The following AKAP10 variants were observed in gnomAD, a reference collection of about 807,000 sequenced individuals.
AKAP10 encodes the protein A-kinase anchor protein 10, mitochondrial.
AKAP10 carries 24 observed loss-of-function variants against 80.8 expected under a neutral mutation model. The ratio of observed to expected loss-of-function variants is 0.30; its 90% confidence interval spans 0.22 to 0.42. The LOEUF (loss-of-function observed/expected upper bound fraction) is 0.42, where lower values mean the gene tolerates loss of function less well. Among genes scored for constraint, AKAP10 ranks in the 10% least tolerant of loss-of-function variants. The probability of loss-of-function intolerance (pLI) is 1.00; values close to 1 mark genes in which losing one functional copy is unlikely to be tolerated. For missense variants in AKAP10, 661 were observed against 794.9 expected (o/e 0.83, Z 2.03); for synonymous variants, 291 against 277.7 (o/e 1.05, Z -0.48).
chr17:19,930,361 T>C (rs1455025222), intron 10 of AKAP10, among the ~76,000 whole-genome samples: 2 of 152,190 alleles, frequency 1.3e-5, no homozygotes, highest in Non-Finnish European at 2.9e-5. Flanking sequence ...CTTAGGATAT[T>C]CTACTTTGTG....
chr17:19,926,673 T>C (rs1397593691), intron 10 of AKAP10, among the ~76,000 whole-genome samples: 1 of 152,188 alleles, frequency 6.6e-6, no homozygotes, highest in African/African-American at 2.4e-5. Context: ...CTATTTATAA[T>C]GGAATCGAAA....
chr17:19,915,221 C>T (rs1276823448), intron 12 of AKAP10, among the ~76,000 whole-genome samples: 1 of 152,164 alleles, frequency 6.6e-6, no homozygotes, highest in African/African-American at 2.4e-5. Flanking sequence ...GTGTTCTAAT[C>T]TAAAATGTGT....
At position 19,924,461 on chromosome 17, in the gene AKAP10, A is replaced by T. The variant is rs1449294192; in HGVS notation, c.1698T>A (p.Ile566=). 6.2e-7 allele frequency: 1 copy of T among 1,607,286 alleles called. No individual in the cohort carries two copies. Among genetic ancestry groups the T allele is most frequent in the Middle Eastern group, 1.7e-4 (1 of 6,048 alleles). The change falls in exon 11 of 15, where the codon ATT becomes ATA. Residue 566 remains isoleucine (I), a synonymous_variant. Coordinates refer to ENST00000225737, the MANE Select transcript of AKAP10 (RefSeq NM_007202.4). ...KILKNFDEAI[I]VDAASLDPES... ...CTGGATCCAGACTTGCCGCATCCACAATTATCGCTTCATCAAAATTTTTCA... is the reference window on the plus strand; with the variant it reads ...CTGGATCCAGACTTGCCGCATCCACTATTATCGCTTCATCAAAATTTTTCA...
chr17:19,940,847 G>T (rs749658256), intron 7 of AKAP10, 40 bp downstream of exon 7: 1 of 1,546,540 alleles, frequency 6.5e-7, no homozygotes, highest in Non-Finnish European at 8.7e-7. Flanking sequence ...TTAGAGGCTG[G>T]AATGCTCGAA....
intron 4 of AKAP10, among the ~76,000 whole-genome samples, chr17:19,948,933 G>A (rs2043167466): frequency 6.6e-6 from 1 of 152,102 alleles, no homozygotes; most frequent in Non-Finnish European, 1.5e-5. Flanking sequence ...ACCTAACTAG[G>A]TCAACTGCTT....
At chr17:19,938,491 C>T (rs1458418040) in intron 8 of AKAP10, among the ~76,000 whole-genome samples, 1 of 152,072 alleles carries the variant, frequency 6.6e-6, no homozygotes, top group Non-Finnish European at 1.5e-5. Flanking sequence ...CCTGCCTCAG[C>T]CTCCCAAAGT....
intron 1 of AKAP10, among the ~76,000 whole-genome samples, chr17:19,972,565 C>T (rs941556649): frequency 6.6e-6 from 1 of 151,962 alleles, no homozygotes; most frequent in East Asian, 2.0e-4. Context: ...AGGCCATTCT[C>T]CTGCCTCAGC....
At chr17:19,963,128 C>G (rs1052294598) in intron 2 of AKAP10, 106 bp from the exon 3 acceptor site, 26 of 971,984 alleles carry the variant, frequency 2.7e-5, no homozygotes, top group Non-Finnish European at 3.6e-5. Flanking sequence ...TGTAACATTA[C>G]TCTTAAGTCA....
In AKAP10 at chr17:19,905,922, A is replaced by G. The variant is rs1444438278; in HGVS notation, c.*305T>C. 1.1e-5 allele frequency: 4 copies of G among 355,834 alleles called. No homozygotes were observed. The highest frequency in any genetic ancestry group is 6.1e-5 in the African/African-American group (3 of 49,180). The allele number at this position is 355,834 out of a possible 1,614,324, so 22.0% of individuals were successfully genotyped here. ...AGAGGATGTGGTCCCTGTCTATTCCAGTAGGCTAAAACACTCTCATAAATG... is the reference window on the plus strand; with the variant it reads ...AGAGGATGTGGTCCCTGTCTATTCCGGTAGGCTAAAACACTCTCATAAATG... On this transcript the variant is annotated 3_prime_UTR_variant, in exon 15 of 15. Coordinates refer to ENST00000225737, the MANE Select transcript of AKAP10 (RefSeq NM_007202.4).
intron 12 of AKAP10, among the ~76,000 whole-genome samples, chr17:19,917,911 C>T (rs79504363): frequency 0.014 from 2,155 of 148,946 alleles, 53 homozygotes; most frequent in African/African-American, 0.05. Context: ...CCCTCCCACC[C>T]GACAAAAAAA....
At chr17:19,945,666 G>A (rs1036429277) in intron 5 of AKAP10, among the ~76,000 whole-genome samples, 3 of 152,146 alleles carry the variant, frequency 2.0e-5, no homozygotes, top group South Asian at 2.1e-4. Flanking sequence ...CTAACTGGAA[G>A]GTACAGTGGG....
chr17:19,914,714 C>T (rs1387911653), intron 12 of AKAP10, among the ~76,000 whole-genome samples: 3 of 150,708 alleles, frequency 2.0e-5, no homozygotes, highest in Non-Finnish European at 3.0e-5. Context: ...TTTAGATCAT[C>T]GGAGTTGGGA....
intron 2 of AKAP10, among the ~76,000 whole-genome samples, chr17:19,965,496 T>G (rs1479827722): frequency 6.6e-6 from 1 of 152,224 alleles, no homozygotes; most frequent in African/African-American, 2.4e-5. Context: ...TTTTCTGGTC[T>G]TTACAGCCTT....
intron 1 of AKAP10, among the ~76,000 whole-genome samples, chr17:19,974,545 T>G (rs1050189113): frequency 1.3e-5 from 2 of 152,118 alleles, no homozygotes; most frequent in African/African-American, 4.8e-5. Context: ...GAACCTAAAG[T>G]TGGATATACC....
intron 12 of AKAP10, among the ~76,000 whole-genome samples, chr17:19,919,635 G>A (rs2042788587): frequency 1.3e-5 from 2 of 151,642 alleles, no homozygotes; most frequent in Non-Finnish European, 2.9e-5. Context: ...AGTGAGGTGC[G>A]GTCAGACCAC....
chr17:19,974,097 C>A (rs1200810873), intron 1 of AKAP10, among the ~76,000 whole-genome samples: 1 of 152,064 alleles, frequency 6.6e-6, no homozygotes, highest in Non-Finnish European at 1.5e-5. Flanking sequence ...GAGGCTGAGG[C>A]AGGAGAATCA....
chr17:19,916,185 A>G (rs2042740613), intron 12 of AKAP10, among the ~76,000 whole-genome samples: 1 of 152,200 alleles, frequency 6.6e-6, no homozygotes, highest in Non-Finnish European at 1.5e-5. Context: ...CTCCTCAGTG[A>G]GGCCTTTCCT....
chr17:19,912,516 G>A (rs2042701659), intron 12 of AKAP10, among the ~76,000 whole-genome samples: 1 of 151,824 alleles, frequency 6.6e-6, no homozygotes, highest in Admixed American at 6.6e-5. Flanking sequence ...CAGCCTGGGT[G>A]ACAGAGCAAG....
At chr17:19,937,147 A>G (rs1224642471) in intron 8 of AKAP10, among the ~76,000 whole-genome samples, 3 of 152,162 alleles carry the variant, frequency 2.0e-5, no homozygotes, top group Non-Finnish European at 4.4e-5. Flanking sequence ...AATGGTTTCT[A>G]TGTCCTGACA....
Sources: allele counts gnomAD v4.1 joint callset (sites outside exome capture counted in the v4.1 genomes callset), GRCh38; gene constraint gnomAD v4.1.1; transcripts MANE v1.5; gene names NCBI Gene and HGNC (gene_info 2026-07-23, HGNC 2026-07-21).